PDZRN4: variants seen among roughly 807,000 people sequenced by gnomAD.
PDZRN4 encodes the protein PDZ domain containing ring finger 4, also known as PDZ domain-containing RING finger protein 4.
PDZRN4 carries 70 observed loss-of-function variants against 99.0 expected under a neutral mutation model. The observed-to-expected ratio is 0.71, with a 90% CI of 0.58 to 0.86. The LOEUF (loss-of-function observed/expected upper bound fraction) is 0.86, where lower values mean the gene tolerates loss of function less well. Ranked by LOEUF, PDZRN4 falls within the 40% of genes least tolerant of loss-of-function variation. The probability of loss-of-function intolerance (pLI) is 0.00; values close to 1 mark genes in which losing one functional copy is unlikely to be tolerated. For missense variants in PDZRN4, 1,474 were observed against 1,331.2 expected, an observed-to-expected ratio of 1.11 and a Z score of -1.67; for synonymous variants, 551 against 501.6, an observed-to-expected ratio of 1.10 and a Z score of -1.32.
chr12:41,399,507 G>A (rs1952274359), intron 3 of PDZRN4, among the ~76,000 whole-genome samples: 1 of 152,166 alleles, frequency 6.6e-6, no homozygotes, highest in Non-Finnish European at 1.5e-5. Flanking sequence ...GGCCAAGGCA[G>A]GTGGATCACC....
At chr12:41,265,944 T>C (rs1591990535) in intron 3 of PDZRN4, among the ~76,000 whole-genome samples, 1 of 152,248 alleles carries the variant, frequency 6.6e-6, no homozygotes, top group African/African-American at 2.4e-5. Flanking sequence ...GTTATTCAAA[T>C]CAAAGCCTTT....
At chr12:41,376,183 A>G (rs1952078159) in intron 3 of PDZRN4, among the ~76,000 whole-genome samples, 1 of 152,172 alleles carries the variant, frequency 6.6e-6, no homozygotes, top group African/African-American at 2.4e-5. Context: ...ATGTGAACTG[A>G]ACATGGGAGT....
chr12:41,248,744 T>C (rs1951149669), intron 3 of PDZRN4, among the ~76,000 whole-genome samples: 1 of 152,110 alleles, frequency 6.6e-6, no homozygotes, highest in Non-Finnish European at 1.5e-5. Flanking sequence ...GTCTTAGAAG[T>C]GAAATAAATT....
intron 3 of PDZRN4, among the ~76,000 whole-genome samples, chr12:41,314,925 A>G (rs1026841851): frequency 2.6e-5 from 4 of 152,112 alleles, no homozygotes; most frequent in East Asian, 1.9e-4. Flanking sequence ...TCAAATATCC[A>G]TGTAAAAACT....
chr12:41,456,867 T>C (rs929066422), intron 3 of PDZRN4, among the ~76,000 whole-genome samples: 4 of 152,184 alleles, frequency 2.6e-5, no homozygotes, highest in African/African-American at 9.7e-5. Context: ...AGAGAAATTT[T>C]AAAGAAAGGG....
intron 3 of PDZRN4, among the ~76,000 whole-genome samples, chr12:41,488,449 A>G (rs1937818777): frequency 6.6e-6 from 1 of 152,204 alleles, no homozygotes; most frequent in African/African-American, 2.4e-5. Flanking sequence ...TTATTGAAAC[A>G]CGCTATTTGT....
At chr12:41,522,080 C>G (rs1257734425) in intron 5 of PDZRN4, among the ~76,000 whole-genome samples, 1 of 152,072 alleles carries the variant, frequency 6.6e-6, no homozygotes, top group African/African-American at 2.4e-5. Context: ...TTGTACATGG[C>G]TATCTGCCAA....
At chr12:41,550,336 T>C (rs931750123) in intron 5 of PDZRN4, among the ~76,000 whole-genome samples, 3 of 152,152 alleles carry the variant, frequency 2.0e-5, no homozygotes, top group African/African-American at 7.2e-5. Context: ...TCTCAGCTCG[T>C]TTTGGAGTGT....
At chr12:41,267,809 C>T (rs957691892) in intron 3 of PDZRN4, among the ~76,000 whole-genome samples, 2 of 152,086 alleles carry the variant, frequency 1.3e-5, no homozygotes, top group Admixed American at 1.3e-4. Context: ...CCACTGCACT[C>T]CAGTCTGGGC....
chr12:41,441,113 G>A (rs1952677458), intron 3 of PDZRN4, among the ~76,000 whole-genome samples: 1 of 152,110 alleles, frequency 6.6e-6, no homozygotes, highest in South Asian at 2.1e-4. Context: ...GTTCGTTGGT[G>A]TCCAATAATG....
chr12:41,466,617 T>C (rs1952927811), intron 3 of PDZRN4, among the ~76,000 whole-genome samples: 1 of 152,154 alleles, frequency 6.6e-6, no homozygotes, highest in South Asian at 2.1e-4. Flanking sequence ...TTTAAATAAT[T>C]ATGTTTGCAT....
chr12:41,240,900 T>C (rs1052768126), intron 3 of PDZRN4, among the ~76,000 whole-genome samples: 1 of 152,278 alleles, frequency 6.6e-6, no homozygotes, highest in Middle Eastern at 3.4e-3. Context: ...CATATGAATT[T>C]TGGGGGAACA....
intron 5 of PDZRN4, among the ~76,000 whole-genome samples, chr12:41,545,248 C>T (rs879861441): frequency 6.6e-6 from 1 of 152,208 alleles, no homozygotes; most frequent in Admixed American, 6.5e-5. Flanking sequence ...ACCATGACCC[C>T]TCACCCAGCC....
At chr12:41,537,088 T>C (rs1479758690) in intron 5 of PDZRN4, among the ~76,000 whole-genome samples, 1 of 152,172 alleles carries the variant, frequency 6.6e-6, no homozygotes, top group African/African-American at 2.4e-5. Context: ...CATGTCCTGA[T>C]GTAACTGAAT....
At chr12:41,482,100 A>C (rs1370083298) in intron 3 of PDZRN4, among the ~76,000 whole-genome samples, 2 of 152,140 alleles carry the variant, frequency 1.3e-5, no homozygotes, top group East Asian at 3.8e-4. Flanking sequence ...GGATCAGTGA[A>C]TCACTGATGT....
intron 3 of PDZRN4, among the ~76,000 whole-genome samples, chr12:41,492,559 C>T (rs556897877): frequency 1.3e-5 from 2 of 152,112 alleles, no homozygotes; most frequent in South Asian, 2.1e-4. Flanking sequence ...AGTTGAAAAG[C>T]TCTGAGTCTC....
intron 5 of PDZRN4, among the ~76,000 whole-genome samples, chr12:41,514,480 T>A (rs562682507): frequency 1.3e-5 from 2 of 152,044 alleles, no homozygotes; most frequent in African/African-American, 4.8e-5. Flanking sequence ...TTTGAGCAAC[T>A]TCATGATTTG....
At chr12:41,258,118 T>G (rs1170363451) in intron 3 of PDZRN4, among the ~76,000 whole-genome samples, 1 of 152,320 alleles carries the variant, frequency 6.6e-6, no homozygotes, top group East Asian at 1.9e-4. Context: ...TGAGGGTTAC[T>G]CCATCACTAT....
chr12:41,243,407 GA>G lies in PDZRN4; in HGVS notation c.843+49224del, dbSNP rs550515988. Among the ~76,000 whole-genome samples, 111 of 152,212 alleles carry G rather than the reference GA, an allele frequency of 7.3e-4. No homozygotes were observed. In the South Asian group the frequency reaches 9.3e-3, roughly 13 times the overall value. The stretch of plus-strand genomic sequence containing the variant: ...TAATAAGTTCAGTCAGTTAAACAAG[GA>G]AAAATATTGATTTTAAAATACTTCA... On this transcript the variant is annotated intron_variant, in intron 3 of 9. Coordinates refer to ENST00000402685, the MANE Select transcript of PDZRN4 (RefSeq NM_001164595.2).
Sources: gnomAD v4.1 joint callset for allele counts (sites outside exome capture counted in the v4.1 genomes callset) on GRCh38, gnomAD v4.1.1 for gene constraint, MANE v1.5 for transcripts, NCBI Gene and HGNC (gene_info 2026-07-23, HGNC 2026-07-21) for gene names.